The following ZKSCAN1 variants were observed in gnomAD, a reference collection of about 807,000 sequenced individuals.
ZKSCAN1 encodes zinc finger protein with KRAB and SCAN domains 1.
Under a neutral mutation model 51.6 loss-of-function variants are expected in ZKSCAN1, and 14 were observed. The observed-to-expected ratio is 0.27, with a 90% CI of 0.18 to 0.42. ZKSCAN1 has a LOEUF of 0.42. Among genes scored for constraint, ZKSCAN1 ranks in the 10% least tolerant of loss-of-function variants. The pLI, the probability that ZKSCAN1 is intolerant of heterozygous loss-of-function variation, is 1.00. For missense variants in ZKSCAN1, 531 were observed against 710.0 expected (o/e 0.75, Z 2.86); for synonymous variants, 263 against 261.5 (o/e 1.01, Z -0.06).
rs1791034092 is a variant in ZKSCAN1 at position 100,029,925 on chromosome 7, A to G, written c.645A>G (p.Ala215=). ...HEGSPRDQAM[A]SALFTADSQA... is the part of the protein sequence containing the mutation. ...GTAGTCCCAGAGACCAGGCGATGGC[A>G]TCTGCACTATTCACAGCGGATTCCC... Residue 215 remains alanine, a synonymous_variant, in exon 4 of 6, where the codon GCA becomes GCG. Transcript: ENST00000324306. 2 of 1,613,984 alleles carry G rather than the reference A, an allele frequency of 1.2e-6. No individual in the cohort carries two copies. The highest frequency in any genetic ancestry group is 1.7e-6 in the Non-Finnish European group (2 of 1,180,036).
In ZKSCAN1 at chr7:100,040,108, G is replaced by A. The variant is rs1475962274; in HGVS notation, c.*5911G>A. The A allele has an allele frequency of 1.1e-6, 1 of 949,094 alleles. No individual in the cohort carries two copies. The highest frequency in any genetic ancestry group is 1.3e-6 in the Non-Finnish European group (1 of 797,166). 58.8% of individuals were successfully genotyped at this position (949,094 alleles called of 1,614,324 possible). A position where few individuals can be genotyped will look rare whatever the true frequency, so the allele number is the denominator to read the frequency against. ...CAAAGCTTTGTGAAACAAACTTGAA[G>A]TTATAGGGAGGTAAGCCATCTCCAA... On this transcript the variant is annotated 3_prime_UTR_variant, in exon 6 of 6. Transcript: ENST00000324306.
rs1285241336 is a variant in ZKSCAN1 at position 100,033,730 on chromosome 7, G to A, written c.1225G>A (p.Glu409Lys). 6.2e-7 allele frequency: 1 copy of A among 1,614,092 alleles called. No homozygotes were observed. Among genetic ancestry groups the A allele is most frequent in the Admixed American group, 1.7e-5 (1 of 60,000 alleles). ...HTGEKPYECSECGKAFSLNSN... is the reference protein window; with the variant it reads ...HTGEKPYECSKCGKAFSLNSN... Reference sequence around the variant, plus strand: ...TGGAGAAAAGCCCTATGAATGTAGTGAGTGTGGGAAAGCCTTCAGTCTTAA... The same window carrying A: ...TGGAGAAAAGCCCTATGAATGTAGTAAGTGTGGGAAAGCCTTCAGTCTTAA... The change falls in exon 6 of 6, where the codon GAG becomes AAG. Residue 409 changes from glutamate to lysine, a missense_variant. By Grantham distance (56) the Glu-to-Lys change is moderately conservative. This residue lies in a region of ZKSCAN1 where 128 missense variants were observed against 219.5 expected (regional missense o/e 0.58). Coordinates refer to ENST00000324306, the MANE Select transcript of ZKSCAN1 (RefSeq NM_003439.4). The surrounding 1 kb of genome is among the most constrained non-coding windows in gnomAD (Gnocchi z 4.1).
At chr7:100,018,511 C>T (rs1454541161) in intron 1 of ZKSCAN1, among the ~76,000 whole-genome samples, 1 of 151,804 alleles carries the variant, frequency 6.6e-6, no homozygotes, top group Non-Finnish European at 1.5e-5. Flanking sequence ...GCCTCAGCCT[C>T]CCAAGTAGCT....
Position 100,037,689 on chromosome 7 carries a change from C to A in ZKSCAN1, c.*3492C>A. On this transcript the variant is annotated 3_prime_UTR_variant, in exon 6 of 6. Transcript: ENST00000324306. Reference sequence around the variant, plus strand: ...AGAAAATGAATTCCGTCGGTATGTTCCAATCGTGATGAATTTGAGAAACAT... The same window carrying A: ...AGAAAATGAATTCCGTCGGTATGTTACAATCGTGATGAATTTGAGAAACAT... The A allele has an allele frequency of 1.0e-6, 1 of 985,442 alleles. No homozygotes were observed. The highest frequency in any genetic ancestry group is 1.2e-6 in the Non-Finnish European group (1 of 829,938). 61.0% of individuals were successfully genotyped at this position (985,442 alleles called of 1,614,324 possible).
chr7:100,044,225 C>T (rs535252505), downstream of ZKSCAN1, among the ~76,000 whole-genome samples: 5 of 152,320 alleles, frequency 3.3e-5, 1 homozygote, highest in Non-Finnish European at 4.4e-5. Context: ...CACTGACCCC[C>T]ATCCTGCTCC....
At position 100,040,412 on chromosome 7, in the gene ZKSCAN1, C is replaced by T. The variant is rs1791546000; in HGVS notation, c.*6215C>T. On this transcript the variant is annotated 3_prime_UTR_variant, in exon 6 of 6. Transcript: ENST00000324306. ...TGCACAGTAATCAGTAAAGTGAATA[C>T]GTTTTTAAAATGGAATTTTCTCCCT... is the stretch of plus-strand genomic sequence containing the variant. 7 of 985,308 alleles carry T rather than the reference C, an allele frequency of 7.1e-6. No homozygotes were observed. The South Asian group carries it at 1.9e-4, about 26-fold the overall frequency. 61.0% of individuals were successfully genotyped at this position (985,308 alleles called of 1,614,324 possible). A position where few individuals can be genotyped will look rare whatever the true frequency, so the allele number is the denominator to read the frequency against.
chr7:100,023,226 G>T (rs973221908), intron 1 of ZKSCAN1, among the ~76,000 whole-genome samples, 193 bp from the exon 2 acceptor site: 1 of 152,178 alleles, frequency 6.6e-6, no homozygotes, highest in South Asian at 2.1e-4. Flanking sequence ...GGCCAGGCTG[G>T]TCTTGAACTC....
Position 100,038,795 on chromosome 7 carries a change from A to G in ZKSCAN1, c.*4598A>G. The G allele has an allele frequency of 6.6e-6, 6 of 906,570 alleles. No homozygotes were observed. The highest frequency in any genetic ancestry group is 7.9e-6 in the Non-Finnish European group (6 of 758,130). 56.2% of individuals were successfully genotyped at this position (906,570 alleles called of 1,614,324 possible). ...TGGATCACAAGGTCAGGAGATCGAG[A>G]CCATCCTGGCTAACATGGCGAAACC... On this transcript the variant is annotated 3_prime_UTR_variant, in exon 6 of 6. Coordinates refer to ENST00000324306, the MANE Select transcript of ZKSCAN1 (RefSeq NM_003439.4).
At chr7:100,044,639 C>A (rs1273994521), downstream of ZKSCAN1, 1 of 341,162 alleles carries the variant, frequency 2.9e-6, no homozygotes, top group African/African-American at 2.3e-5. Context: ...TGAGATCGTG[C>A]CACTGCACTC....
In ZKSCAN1 at chr7:100,036,337, T is replaced by C; in HGVS notation, c.*2140T>C. 2 of 985,398 alleles carry C rather than the reference T, an allele frequency of 2.0e-6. No individual in the cohort carries two copies. The highest frequency in any genetic ancestry group is 2.4e-6 in the Non-Finnish European group (2 of 829,932). 61.0% of individuals were successfully genotyped at this position (985,398 alleles called of 1,614,324 possible). A position where few individuals can be genotyped will look rare whatever the true frequency, so the allele number is the denominator to read the frequency against. ...GTAACTAAAATGGAGGCAGAAAATG[T>C]TTTAAGGATTTTCTTCAAAGAATAA... On this transcript the variant is annotated 3_prime_UTR_variant, in exon 6 of 6. Coordinates refer to ENST00000324306, the MANE Select transcript of ZKSCAN1 (RefSeq NM_003439.4).
chr7:100,045,235 C>G, downstream of ZKSCAN1, among the ~76,000 whole-genome samples: 1 of 150,670 alleles, frequency 6.6e-6, no homozygotes, highest in East Asian at 2.0e-4. Context: ...GGCGAAACCC[C>G]TACGAAACAT....
At chr7:100,016,621 A>G (rs1790377038) in intron 1 of ZKSCAN1, among the ~76,000 whole-genome samples, 1 of 152,196 alleles carries the variant, frequency 6.6e-6, no homozygotes. Context: ...TAATTGAAGA[A>G]TTAACTACAG....
In ZKSCAN1 at chr7:100,034,322, A is replaced by T; in HGVS notation, c.*125A>T. 1 of 1,473,910 alleles carries T rather than the reference A, an allele frequency of 6.8e-7. No homozygotes were observed. Among genetic ancestry groups the T allele is most frequent in the Non-Finnish European group, 8.9e-7 (1 of 1,123,090 alleles). The allele number at this position is 1,473,910 out of a possible 1,614,324, so 91.3% of individuals were successfully genotyped here. ...TAAAAAACAAAAGTCACACTTAAGG[A>T]TCCTTCTAGTCACATCAGCAGTGTT... On this transcript the variant is annotated 3_prime_UTR_variant, in exon 6 of 6. Coordinates refer to ENST00000324306, the MANE Select transcript of ZKSCAN1 (RefSeq NM_003439.4).
At chr7:100,042,518 C>T (rs1283618108), downstream of ZKSCAN1, among the ~76,000 whole-genome samples, 3 of 151,978 alleles carry the variant, frequency 2.0e-5, no homozygotes, top group Non-Finnish European at 4.4e-5. Context: ...CTGATGCAGA[C>T]TCCACAGGTT....
rs1477861660 is a variant in ZKSCAN1, at chr7:100,038,127, T to G, written c.*3930T>G. 1.0e-6 allele frequency: 1 copy of G among 985,342 alleles called. No individual in the cohort carries two copies. The highest frequency in any genetic ancestry group is 6.1e-5 in the Admixed American group (1 of 16,264). The allele number at this position is 985,342 out of a possible 1,614,324, so 61.0% of individuals were successfully genotyped here. On this transcript the variant is annotated 3_prime_UTR_variant, in exon 6 of 6. Coordinates refer to ENST00000324306, the MANE Select transcript of ZKSCAN1 (RefSeq NM_003439.4). ...AAAAAATAGCAAAATGTGCAACTTCTTACAAAAATTGTTAACGTTAGGTAC... is the reference window on the plus strand; with the variant it reads ...AAAAAATAGCAAAATGTGCAACTTCGTACAAAAATTGTTAACGTTAGGTAC...
rs1390458437 is a variant in ZKSCAN1, at chr7:100,029,900, G to A, written c.620G>A (p.Gly207Asp). 2 of 1,614,130 alleles carry A rather than the reference G, an allele frequency of 1.2e-6. No individual in the cohort carries two copies. The highest frequency in any genetic ancestry group is 1.1e-5 in the South Asian group (1 of 91,080). ...CACATTCCTGCACCCCCTCATGAGG[G>A]TAGTCCCAGAGACCAGGCGATGGCA... The part of the protein sequence containing the change: ...AAHIPAPPHE[G>D]SPRDQAMASA... The change falls in exon 4 of 6, where the codon GGT becomes GAT. Residue 207 changes from glycine to aspartate, a missense_variant. Transcript: ENST00000324306.
At position 100,036,949 on chromosome 7, in the gene ZKSCAN1, C is replaced by T; in HGVS notation, c.*2752C>T. The T allele has an allele frequency of 1.0e-6, 1 of 985,112 alleles. No individual in the cohort carries two copies. The allele number at this position is 985,112 out of a possible 1,614,324, so 61.0% of individuals were successfully genotyped here. A position where few individuals can be genotyped will look rare whatever the true frequency, so the allele number is the denominator to read the frequency against. ...TGTGCCCTCACATTTAATTCCGTTT[C>T]ATGGAGACATCTTCCTGACTTTGTT... On this transcript the variant is annotated 3_prime_UTR_variant, in exon 6 of 6. Transcript: ENST00000324306.
chr7:100,024,176 C>G lies in ZKSCAN1; in HGVS notation c.449C>G (p.Pro150Arg). The G allele has an allele frequency of 1.2e-6, 2 of 1,613,968 alleles. No individual in the cohort carries two copies. The highest frequency in any genetic ancestry group is 8.5e-7 in the Non-Finnish European group (1 of 1,179,954). ...CAGGTCCCAGGTCAAGTTCATGGACCTGAGATGCTCGCAAGGGGGATGGTG... is the reference window on the plus strand; with the variant it reads ...CAGGTCCCAGGTCAAGTTCATGGACGTGAGATGCTCGCAAGGGGGATGGTG... Reference protein sequence around the residue: ...GQQVPGQVHGPEMLARGMVPL... With the variant: ...GQQVPGQVHGREMLARGMVPL... Residue 150 changes from proline to arginine, a missense_variant, in exon 3 of 6, where the codon CCT becomes CGT. Coordinates refer to ENST00000324306, the MANE Select transcript of ZKSCAN1 (RefSeq NM_003439.4).
chr7:100,038,695 C>G lies in ZKSCAN1; in HGVS notation c.*4498C>G. On this transcript the variant is annotated 3_prime_UTR_variant, in exon 6 of 6. Coordinates refer to ENST00000324306, the MANE Select transcript of ZKSCAN1 (RefSeq NM_003439.4). ...TCCCACTAACTCTTAAATCCTTATG[C>G]TTAGAAAATTGAGGATAAGGCTGGG... 1 of 985,386 alleles carries G rather than the reference C, an allele frequency of 1.0e-6. No individual in the cohort carries two copies. The highest frequency in any genetic ancestry group is 1.2e-6 in the Non-Finnish European group (1 of 829,952). 61.0% of individuals were successfully genotyped at this position (985,386 alleles called of 1,614,324 possible).
Sources: allele counts gnomAD v4.1 joint callset (sites outside exome capture counted in the v4.1 genomes callset), GRCh38; gene constraint gnomAD v4.1.1; regional missense constraint gnomAD v4.1.1; non-coding constraint Gnocchi (gnomAD v3.1); transcripts MANE v1.5; gene names NCBI Gene and HGNC (gene_info 2026-07-23, HGNC 2026-07-21).